Variants in CAST observed in about 807,000 individuals in gnomAD.
The protein encoded by CAST is calpastatin, also known as MIR583 host.
CAST carries 76 observed loss-of-function variants against 119.6 expected under a neutral mutation model. That is an observed-to-expected ratio of 0.64 (90% CI 0.53 to 0.77). The LOEUF (loss-of-function observed/expected upper bound fraction) is 0.77. CAST is among the 30% of genes least tolerant of loss of function. CAST has a pLI of 0.00. For synonymous variants in CAST, 319 were observed against 331.6 expected, an observed-to-expected ratio of 0.96 and a Z score of 0.41; for missense variants, 953 against 946.5, an observed-to-expected ratio of 1.01 and a Z score of -0.09.
At chr5:96,669,555 A>G (rs564448369) in intron 1 of CAST, among the ~76,000 whole-genome samples, 28 of 152,350 alleles carry the variant, frequency 1.8e-4, no homozygotes, top group African/African-American at 6.5e-4. Flanking sequence ...AGAGTGTACA[A>G]TAAAGTGCTA....
intron 1 of CAST, among the ~76,000 whole-genome samples, chr5:96,641,218 G>A (rs1289530749): frequency 6.6e-6 from 1 of 152,068 alleles, no homozygotes; most frequent in Non-Finnish European, 1.5e-5. Context: ...GCTAAGAATT[G>A]TAGAAATAAA....
chr5:96,751,204 T>G (rs1764970701), intron 20 of CAST, among the ~76,000 whole-genome samples: 1 of 145,430 alleles, frequency 6.9e-6, no homozygotes, highest in Admixed American at 7.0e-5. Flanking sequence ...TTCCTTTTGA[T>G]TTTAGTGTTT....
rs781281686 is a variant in CAST at position 96,767,895 on chromosome 5, C to A, written c.2176-12C>A. The A allele has an allele frequency of 3.2e-6, 5 of 1,583,110 alleles. No homozygotes were observed. The African/African-American group carries it at 6.7e-5, about 21-fold the overall frequency. ...GCTTCTTCACTGATGGTTATTTCTA[C>A]TCATATCTCAGAAACCTGCAGATGA... On this transcript the variant is annotated splice_polypyrimidine_tract_variant and intron_variant, in intron 28 of 31. Transcript: ENST00000675179.
intron 1 of CAST, among the ~76,000 whole-genome samples, chr5:96,666,887 G>T (rs2150227212): frequency 6.6e-6 from 1 of 151,874 alleles, no homozygotes; most frequent in South Asian, 2.1e-4. Flanking sequence ...TGACTAGATT[G>T]TCTCAGCAGA....
At chr5:96,551,223 C>T (rs1211071182) in intron 1 of CAST, among the ~76,000 whole-genome samples, 1 of 152,202 alleles carries the variant, frequency 6.6e-6, no homozygotes, top group African/African-American at 2.4e-5. Flanking sequence ...GATCTCTCTG[C>T]AGAAACCCTA....
At chr5:96,726,636 G>A in intron 4 of CAST, 158 bp from the exon 5 acceptor site, 2 of 513,138 alleles carry the variant, frequency 3.9e-6, no homozygotes, top group South Asian at 6.7e-5. Flanking sequence ...ACCTTAGAAT[G>A]TAAGTGCCTA....
At chr5:96,297,284 A>G in the CAST span, among the ~76,000 whole-genome samples, 2 of 152,228 alleles carry the variant, frequency 1.3e-5, no homozygotes, top group Non-Finnish European at 2.9e-5. Context: ...TCAAGGAACA[A>G]CAACTGCTTT....
the CAST span, among the ~76,000 whole-genome samples, chr5:96,241,814 G>A: frequency 1.3e-5 from 2 of 151,062 alleles, no homozygotes; most frequent in Non-Finnish European, 1.5e-5. Flanking sequence ...CTGATGGCCA[G>A]TGATGGTGAG....
At chr5:96,349,729 G>C in the CAST span, among the ~76,000 whole-genome samples, 1 of 152,102 alleles carries the variant, frequency 6.6e-6, no homozygotes, top group Non-Finnish European at 1.5e-5. Flanking sequence ...GTGTGCTTAG[G>C]AACTGGACAT....
the CAST span, among the ~76,000 whole-genome samples, chr5:96,079,869 C>A: frequency 1.3e-5 from 2 of 152,026 alleles, no homozygotes; most frequent in African/African-American, 4.8e-5. Context: ...TGAGGATATG[C>A]CTTAATTTAT....
the CAST span, among the ~76,000 whole-genome samples, chr5:96,321,270 C>G: frequency 6.6e-6 from 1 of 152,192 alleles, no homozygotes; most frequent in African/African-American, 2.4e-5. Context: ...CCTCCCACTC[C>G]TCAGCCTCTT....
the CAST span, among the ~76,000 whole-genome samples, chr5:96,231,837 A>G: frequency 1.3e-5 from 2 of 152,106 alleles, no homozygotes; most frequent in African/African-American, 4.8e-5. Flanking sequence ...TTCCATTACC[A>G]CCAACATATA....
the CAST span, among the ~76,000 whole-genome samples, chr5:96,317,970 A>T: frequency 6.6e-6 from 1 of 152,216 alleles, no homozygotes; most frequent in African/African-American, 2.4e-5. Flanking sequence ...TTCCCAATCC[A>T]TAATGCTGAC....
At chr5:96,080,991 G>A in the CAST span, among the ~76,000 whole-genome samples, 12 of 152,262 alleles carry the variant, frequency 7.9e-5, no homozygotes, top group Admixed American at 6.5e-4. Flanking sequence ...AGAAGAGATG[G>A]CACTTTCTTT....
the CAST span, among the ~76,000 whole-genome samples, chr5:96,187,868 T>C: frequency 6.6e-6 from 1 of 152,218 alleles, no homozygotes; most frequent in Non-Finnish European, 1.5e-5. Flanking sequence ...GTAGAATGAC[T>C]ACCTGTGAGC....
At chr5:96,590,233 C>T (rs1001739835) in intron 1 of CAST, among the ~76,000 whole-genome samples, 8 of 152,144 alleles carry the variant, frequency 5.3e-5, no homozygotes, top group Non-Finnish European at 1.0e-4. Flanking sequence ...GCATCTCAGA[C>T]CTACTGAATC....
At chr5:96,230,452 A>G in the CAST span, among the ~76,000 whole-genome samples, 1 of 152,108 alleles carries the variant, frequency 6.6e-6, no homozygotes, top group Non-Finnish European at 1.5e-5. Context: ...AATACTTGAA[A>G]CTTCCCCCTT....
At chr5:96,620,655 T>C (rs1009000524) in intron 1 of CAST, among the ~76,000 whole-genome samples, 24 of 152,198 alleles carry the variant, frequency 1.6e-4, no homozygotes, top group African/African-American at 5.8e-4. Context: ...TATCAAGACA[T>C]AACCTCATTG....
intron 1 of CAST, among the ~76,000 whole-genome samples, chr5:96,580,475 G>A (rs1746751203): frequency 6.6e-6 from 1 of 152,190 alleles, no homozygotes; most frequent in African/African-American, 2.4e-5. Flanking sequence ...TCAGCAGCAG[G>A]AGTTATGGGC....
Sources: allele counts gnomAD v4.1 joint callset (sites outside exome capture counted in the v4.1 genomes callset), GRCh38; gene constraint gnomAD v4.1.1; transcripts MANE v1.5; gene names NCBI Gene and HGNC (gene_info 2026-07-23, HGNC 2026-07-21).